CEP350: variants seen among roughly 807,000 people sequenced by gnomAD.
The protein encoded by CEP350 is centrosome-associated protein 350.
A neutral mutation model predicts 331.8 loss-of-function variants in CEP350; 126 were observed. The observed-to-expected ratio is 0.38, with a 90% confidence interval of 0.33 to 0.44. The LOEUF (loss-of-function observed/expected upper bound fraction) is 0.44. CEP350 is among the 20% of genes least tolerant of loss of function. The pLI, the probability that CEP350 is intolerant of heterozygous loss-of-function variation, is 1.00. For missense variants in CEP350, 3,406 were observed against 3,634.6 expected, an observed-to-expected ratio of 0.94 and a Z score of 1.62; for synonymous variants, 1,200 against 1,259.5, an observed-to-expected ratio of 0.95 and a Z score of 1.00.
At chr1:179,957,712 G>C (rs559644169) in intron 1 of CEP350, among the ~76,000 whole-genome samples, 1 of 152,164 alleles carries the variant, frequency 6.6e-6, no homozygotes, top group Non-Finnish European at 1.5e-5. Flanking sequence ...AGATTTGCTG[G>C]GTAGCAAGGG....
rs780883622 is a variant in CEP350, at chr1:179,992,194, A to C, written c.368A>C (p.Glu123Ala). 1.3e-6 allele frequency: 2 copies of C among 1,508,830 alleles called. No homozygotes were observed. The highest frequency in any genetic ancestry group is 1.8e-6 in the Non-Finnish European group (2 of 1,135,664). The allele number at this position is 1,508,830 out of a possible 1,614,324, so 93.5% of individuals were successfully genotyped here. A position where few individuals can be genotyped will look rare whatever the true frequency, so the allele number is the denominator to read the frequency against. ...AATGTGAAGAAAAATAATCGTGTGG[A>C]ATTTCGTGAACCTTTGGTTTCTTAT... Reference protein sequence around the residue: ...ESNVKKNNRVEFREPLVSYRE... With the variant: ...ESNVKKNNRVAFREPLVSYRE... Residue 123 changes from glutamate to alanine, a missense_variant, in exon 5 of 38, where the codon GAA (glutamate) becomes GCA (alanine). Coordinates refer to ENST00000367607, the MANE Select transcript of CEP350 (RefSeq NM_014810.5).
chr1:180,062,260 G>A lies in CEP350; in HGVS notation c.5303G>A (p.Arg1768Gln), dbSNP rs150513530. 3.0e-5 allele frequency: 48 copies of A among 1,609,890 alleles called. No individual in the cohort carries two copies. The African/African-American group carries it at 3.9e-4, about 13-fold the overall frequency. The change falls in exon 26 of 38, where the codon CGG (arginine) becomes CAG (glutamine). Residue 1768 changes from arginine to glutamine, a missense_variant. Arg to Gln is a conservative substitution (Grantham distance 43). Transcript: ENST00000367607. The stretch of plus-strand genomic sequence containing the variant: ...CTTCAAGAAGCCAATAAGGCAGCTC[G>A]GAAGGAAAGACAGCTGATTCTTAAA... ...KRLQEANKAA[R>Q]KERQLILKQQ...
At chr1:180,042,555 A>T (rs9286931) in intron 19 of CEP350, among the ~76,000 whole-genome samples, 105,332 of 151,838 alleles carry the variant, frequency 0.69, 38,412 homozygotes, top group Non-Finnish European at 0.79. Flanking sequence ...CAAGAAAATT[A>T]AAATGTAGAC....
chr1:179,993,735 G>A (rs891283563), intron 5 of CEP350, among the ~76,000 whole-genome samples: 1 of 152,054 alleles, frequency 6.6e-6, no homozygotes, highest in African/African-American at 2.4e-5. Context: ...GAGCCACTGC[G>A]GCTGGCCTGT....
chr1:180,108,868 C>A (rs1661313612), intron 37 of CEP350, among the ~76,000 whole-genome samples: 2 of 152,098 alleles, frequency 1.3e-5, no homozygotes, highest in South Asian at 4.1e-4. Context: ...GCCATAGAAC[C>A]CTTTTTGGTG....
chr1:179,966,763 T>A (rs1420415925), intron 1 of CEP350, among the ~76,000 whole-genome samples: 1 of 152,184 alleles, frequency 6.6e-6, no homozygotes, highest in Non-Finnish European at 1.5e-5. Flanking sequence ...TGTTGTAACT[T>A]CCAAACCTAG....
chr1:179,972,498 C>T (rs1651525441), intron 1 of CEP350, among the ~76,000 whole-genome samples: 1 of 151,072 alleles, frequency 6.6e-6, no homozygotes, highest in Non-Finnish European at 1.5e-5. Context: ...GAAAAGAGTG[C>T]TGTTTATTTT....
At chr1:180,101,825 T>C (rs1660832279) in intron 37 of CEP350, among the ~76,000 whole-genome samples, 1 of 152,210 alleles carries the variant, frequency 6.6e-6, no homozygotes, top group Non-Finnish European at 1.5e-5. Flanking sequence ...TTAGGTTTAC[T>C]GGTTTATTAG....
intron 14 of CEP350, among the ~76,000 whole-genome samples, chr1:180,026,931 T>C (rs1239873358): frequency 6.6e-6 from 1 of 152,374 alleles, no homozygotes; most frequent in East Asian, 1.9e-4. Flanking sequence ...GCTATGAACA[T>C]TGGTGTACAA....
chr1:180,079,298 A>G (rs1230293201), intron 29 of CEP350, among the ~76,000 whole-genome samples: 1 of 151,770 alleles, frequency 6.6e-6, no homozygotes, highest in Non-Finnish European at 1.5e-5. Flanking sequence ...ACTAAAGTAT[A>G]CACAGATGTT....
chr1:180,095,194 C>A, intron 34 of CEP350: 1 of 195,378 alleles, frequency 5.1e-6, no homozygotes, highest in Non-Finnish European at 1.0e-5. Context: ...AGATGGTCAC[C>A]AGAGGTGAGA....
intron 1 of CEP350, among the ~76,000 whole-genome samples, chr1:179,972,790 A>C (rs1030539199): frequency 6.6e-6 from 1 of 151,940 alleles, no homozygotes; most frequent in African/African-American, 2.4e-5. Flanking sequence ...TTTTAATGAG[A>C]GTTATTCAGA....
At chr1:180,044,774 A>G (rs916680378) in intron 21 of CEP350, among the ~76,000 whole-genome samples, 1 of 151,646 alleles carries the variant, frequency 6.6e-6, no homozygotes, top group African/African-American at 2.4e-5. Flanking sequence ...ACATGTATAC[A>G]TATGTAACAA....
intron 5 of CEP350, among the ~76,000 whole-genome samples, chr1:179,994,692 A>T (rs900391672): frequency 6.6e-6 from 1 of 151,954 alleles, no homozygotes; most frequent in African/African-American, 2.4e-5. Context: ...GGGCTCAAGC[A>T]ATCTGCCCAC....
rs1329157463 is a variant in CEP350, at chr1:179,992,002, C to T, written c.236-60C>T. On this transcript the variant is annotated intron_variant, in intron 4 of 37. Transcript: ENST00000367607. ...CTAATTTTTTTTTTAAGATACCAGCCTAATTCAGAGGCAGTTGTATTTTAT... is the reference window on the plus strand; with the variant it reads ...CTAATTTTTTTTTTAAGATACCAGCTTAATTCAGAGGCAGTTGTATTTTAT... 4.2e-6 allele frequency: 6 copies of T among 1,441,780 alleles called. No individual in the cohort carries two copies. In the African/African-American group the frequency reaches 9.1e-5, roughly 22 times the overall value. 89.3% of individuals were successfully genotyped at this position (1,441,780 alleles called of 1,614,324 possible). A position where few individuals can be genotyped will look rare whatever the true frequency, so the allele number is the denominator to read the frequency against.
chr1:179,967,007 A>G (rs1203097305), intron 1 of CEP350, among the ~76,000 whole-genome samples: 1 of 152,170 alleles, frequency 6.6e-6, no homozygotes, highest in African/African-American at 2.4e-5. Context: ...GACAAATTAA[A>G]TTTAACAGAA....
intron 36 of CEP350, among the ~76,000 whole-genome samples, chr1:180,097,117 A>G (rs538329124): frequency 8.5e-5 from 13 of 152,366 alleles, no homozygotes; most frequent in African/African-American, 2.2e-4. Flanking sequence ...TATTTATGAG[A>G]TGGGATGTAT....
At chr1:180,045,692 T>C (rs1024056091) in intron 21 of CEP350, among the ~76,000 whole-genome samples, 1 of 152,220 alleles carries the variant, frequency 6.6e-6, no homozygotes, top group Non-Finnish European at 1.5e-5. Context: ...GTCCTCATCC[T>C]CTAATCTTTC....
rs1487083048 is a variant in CEP350, at chr1:179,992,157, A to G, written c.331A>G (p.Thr111Ala). 2 of 1,536,902 alleles carry G rather than the reference A, an allele frequency of 1.3e-6. No individual in the cohort carries two copies. Among genetic ancestry groups the G allele is most frequent in the Non-Finnish European group, 1.7e-6 (2 of 1,145,886 alleles). ...EKSRSPLRAT[T>A]LESNVKKNNR... is the part of the protein sequence containing the mutation. Reference sequence around the variant, plus strand: ...ATCTCGTAGTCCTCTCAGGGCCACCACCCTGGAGAGTAATGTGAAGAAAAA... The same window carrying G: ...ATCTCGTAGTCCTCTCAGGGCCACCGCCCTGGAGAGTAATGTGAAGAAAAA... The change falls in exon 5 of 38, where the codon ACC (threonine) becomes GCC (alanine). Residue 111 changes from threonine to alanine, a missense_variant. Physicochemically the swap from Thr to Ala is moderately conservative, Grantham distance 58. This residue lies in a region of CEP350 where 1,857 missense variants were observed against 1,909.2 expected (regional missense o/e 0.97). Transcript: ENST00000367607.
Sources: gnomAD v4.1 joint callset for allele counts (sites outside exome capture counted in the v4.1 genomes callset) on GRCh38, gnomAD v4.1.1 for gene constraint, gnomAD v4.1.1 regional missense constraint, MANE v1.5 for transcripts, NCBI Gene and HGNC (gene_info 2026-07-23, HGNC 2026-07-21) for gene names.